Variants in ATP2B4 observed in about 807,000 individuals in gnomAD.
ATP2B4 encodes ATPase plasma membrane Ca2+ transporting 4.
A neutral mutation model predicts 110.3 loss-of-function variants in ATP2B4; 39 were observed. That is an observed-to-expected ratio of 0.35 (90% confidence interval 0.27 to 0.46). The LOEUF (loss-of-function observed/expected upper bound fraction) is 0.46. Among genes scored for constraint, ATP2B4 ranks in the 20% least tolerant of loss-of-function variants. The pLI is 1.00. For missense variants in ATP2B4, 1,135 were observed against 1,530.9 expected (o/e 0.74, Z 4.32); for synonymous variants, 538 against 571.7 (o/e 0.94, Z 0.84).
chr1:203,711,075 G>T lies in ATP2B4; in HGVS notation c.1998G>T (p.Ala666=). The change falls in exon 12 of 21, where the codon GCG becomes GCT. Residue 666 remains alanine (A), a synonymous_variant. Transcript: ENST00000357681. ...NEILTELTCI[A]VVGIEDPVRP... ...TCCTCACCGAACTGACCTGTATCGC[G>T]GTGGTGGGCATTGAGGACCCTGTGC... 1 of 1,614,140 alleles carries T rather than the reference G, an allele frequency of 6.2e-7. No homozygotes were observed. The highest frequency in any genetic ancestry group is 8.5e-7 in the Non-Finnish European group (1 of 1,180,014).
rs554991544 is a variant in ATP2B4, at chr1:203,650,868, T to G, written c.-465+23649T>G. Reference sequence around the variant, plus strand: ...TCTACCACCACCAAAAGGCCAGAATTTTTAAGTTGATTGATATTTTTTTAT... The same window carrying G: ...TCTACCACCACCAAAAGGCCAGAATGTTTAAGTTGATTGATATTTTTTTAT... On this transcript the variant is annotated intron_variant, in intron 1 of 20. Coordinates refer to ENST00000357681, the MANE Select transcript of ATP2B4 (RefSeq NM_001684.5). 2.9e-4 allele frequency among the ~76,000 whole-genome samples: 44 copies of G among 152,332 alleles called. No individual in the cohort carries two copies. The South Asian group carries it at 8.7e-3, about 30-fold the overall frequency.
rs759813693 is a variant in ATP2B4, at chr1:203,720,503, G to A, written c.2407-46G>A. 7.8e-6 allele frequency: 12 copies of A among 1,544,986 alleles called. No homozygotes were observed. In the South Asian group the frequency reaches 1.5e-4, roughly 19 times the overall value. On this transcript the variant is annotated intron_variant, in intron 15 of 20. Transcript: ENST00000357681. ...TCCTGGAGGTCAGGAAATGGAGCCT[G>A]GGCTTTATCCACTCCCTCACTGTTT...
In ATP2B4 at chr1:203,727,450, G is replaced by T; in HGVS notation, c.3188G>T (p.Gly1063Val). The T allele has an allele frequency of 1.2e-6, 2 of 1,614,186 alleles. No individual in the cohort carries two copies. The highest frequency in any genetic ancestry group is 8.5e-7 in the Non-Finnish European group (1 of 1,180,008). Residue 1063 changes from glycine (G) to valine (V), a missense_variant, in exon 20 of 21, where the codon GGC (glycine) becomes GTC (valine). Physicochemically the swap from Gly to Val is moderately radical, Grantham distance 109 (BLOSUM62 -3). Transcript: ENST00000357681. The stretch of plus-strand genomic sequence containing the variant: ...AAGTTCCTGAAGGAGGCTGGGCATG[G>T]CACCACCAAAGAGGAGATCACCAAG... ...SLKFLKEAGH[G>V]TTKEEITKDA...
At position 203,699,412 on chromosome 1, in the gene ATP2B4, T is replaced by C. The variant is rs980424379; in HGVS notation, c.392-48T>C. 5 of 1,603,612 alleles carry C rather than the reference T, an allele frequency of 3.1e-6. No individual in the cohort carries two copies. The Admixed American group carries it at 5.1e-5, about 16-fold the overall frequency. On this transcript the variant is annotated intron_variant, in intron 3 of 20. Coordinates refer to ENST00000357681, the MANE Select transcript of ATP2B4 (RefSeq NM_001684.5). ...TGGAAGCACTACTCCTATTTCTTAATGTCAACAAAAGCCCTTCAGTGACTA... is the reference window on the plus strand; with the variant it reads ...TGGAAGCACTACTCCTATTTCTTAACGTCAACAAAAGCCCTTCAGTGACTA...
chr1:203,631,214 G>A (rs1663255351), intron 1 of ATP2B4, among the ~76,000 whole-genome samples: 1 of 152,204 alleles, frequency 6.6e-6, no homozygotes, highest in Non-Finnish European at 1.5e-5. Flanking sequence ...CAAAGGAAAG[G>A]AAAGGATTGA....
rs552534807 is a variant in ATP2B4 at position 203,714,338 on chromosome 1, C to T, written c.2406+61C>T. 1.8e-4 allele frequency: 292 copies of T among 1,583,932 alleles called. No individual in the cohort carries two copies. In the South Asian group the frequency reaches 2.7e-3, roughly 15 times the overall value. On this transcript the variant is annotated intron_variant, in intron 15 of 20. Coordinates refer to ENST00000357681, the MANE Select transcript of ATP2B4 (RefSeq NM_001684.5). ...GCCTTCTCCATCAGGAAGCCAGGTC[C>T]GGCTTCTGGTTGCCTGCTGCTTGCT...
At chr1:203,698,427 T>C (rs1047767777) in intron 3 of ATP2B4, 73 bp downstream of exon 3, 1 of 1,506,368 alleles carries the variant, frequency 6.6e-7, no homozygotes, top group African/African-American at 1.4e-5. Flanking sequence ...CGCTTAGTAT[T>C]GGTGGCTGAC....
chr1:203,723,457 T>TCTCTCTCTCCCTCCCTCCCTCC (rs1407579331), intron 18 of ATP2B4, among the ~76,000 whole-genome samples: 1 of 113,502 alleles, frequency 8.8e-6, no homozygotes, highest in African/African-American at 3.9e-5. Flanking sequence ...TCTCTCTCTC[T>TCTCTCTCTCCCTCCCTCCCTCC]CTCCCTCTGC....
Position 203,715,299 on chromosome 1 carries a change from A to G in ATP2B4, c.2406+1022A>G, listed in dbSNP as rs1332880747. On this transcript the variant is annotated intron_variant, in intron 15 of 20. Coordinates refer to ENST00000357681, the MANE Select transcript of ATP2B4 (RefSeq NM_001684.5). ...CAAAAAACAAAAGAGATTCCCCCTCATTGACTATTTGATTACTCTGAGGCG... is the reference window on the plus strand; with the variant it reads ...CAAAAAACAAAAGAGATTCCCCCTCGTTGACTATTTGATTACTCTGAGGCG... Among the ~76,000 whole-genome samples the G allele has an allele frequency of 2.1e-5, 3 of 141,268 alleles. 1 individual carries two copies. Among genetic ancestry groups the G allele is most frequent in the Non-Finnish European group, 4.7e-5 (3 of 64,072 alleles). 92.7% of individuals were successfully genotyped at this position (141,268 alleles called of 152,430 possible).
rs781597921 is a variant in ATP2B4, at chr1:203,722,671, G to T, written c.3006G>T (p.Leu1002Phe). 6.2e-7 allele frequency: 1 copy of T among 1,614,078 alleles called. No individual in the cohort carries two copies. The highest frequency in any genetic ancestry group is 1.1e-5 in the South Asian group (1 of 91,080). The change falls in exon 18 of 21, where the codon TTG becomes TTT. Residue 1002 changes from leucine to phenylalanine, a missense_variant. Leu to Phe is a conservative substitution (Grantham distance 22). This residue lies in a region of ATP2B4 where 155 missense variants were observed against 186.2 expected (regional missense o/e 0.83). Coordinates refer to ENST00000357681, the MANE Select transcript of ATP2B4 (RefSeq NM_001684.5). Reference protein sequence around the residue: ...YRNIIFCSVVLGTFICQIFIV... With the variant: ...YRNIIFCSVVFGTFICQIFIV... ...ACATTATCTTCTGCTCTGTAGTCTT[G>T]GGCACATTCATCTGCCAGGTGAGAT...
At chr1:203,679,185 C>G (rs1425895399) in intron 1 of ATP2B4, among the ~76,000 whole-genome samples, 4 of 152,024 alleles carry the variant, frequency 2.6e-5, no homozygotes, top group African/African-American at 9.7e-5. Context: ...CTGAGCAGTT[C>G]ATTTGATGCT....
intron 20 of ATP2B4, among the ~76,000 whole-genome samples, chr1:203,733,879 T>C (rs908444294): frequency 1.3e-5 from 2 of 152,088 alleles, no homozygotes; most frequent in African/African-American, 4.8e-5. Context: ...TGAGGAAAGG[T>C]AGGAAGGGAG....
intron 1 of ATP2B4, among the ~76,000 whole-genome samples, chr1:203,630,690 G>T (rs140864107): frequency 6.6e-6 from 1 of 152,130 alleles, no homozygotes; most frequent in Non-Finnish European, 1.5e-5. Context: ...CTCAGACAAG[G>T]CTCCCTACCC....
chr1:203,729,642 A>G, intron 20 of ATP2B4: 1 of 1,057,756 alleles, frequency 9.5e-7, no homozygotes, highest in Non-Finnish European at 1.3e-6. Context: ...TGCCAGAGAA[A>G]CATTCCAGGG....
chr1:203,724,366 A>C (rs1666439467), intron 19 of ATP2B4, among the ~76,000 whole-genome samples: 1 of 151,872 alleles, frequency 6.6e-6, no homozygotes, highest in African/African-American at 2.4e-5. Context: ...AAATACAAAA[A>C]ATTAGCTGGG....
chr1:203,730,755 G>A (rs565491358), intron 20 of ATP2B4, among the ~76,000 whole-genome samples: 56 of 152,198 alleles, frequency 3.7e-4, no homozygotes, highest in Non-Finnish European at 6.2e-4. Context: ...CTACCTTTCC[G>A]CATTGTTGGA....
chr1:203,717,428 T>C (rs986331297), intron 15 of ATP2B4, among the ~76,000 whole-genome samples: 2 of 151,874 alleles, frequency 1.3e-5, no homozygotes, highest in Non-Finnish European at 2.9e-5. Context: ...GCTCTTAGTA[T>C]GGTTTTGATG....
chr1:203,691,534 G>A (rs547160062), intron 2 of ATP2B4, among the ~76,000 whole-genome samples: 3 of 152,286 alleles, frequency 2.0e-5, no homozygotes, highest in East Asian at 1.9e-4. Flanking sequence ...AGCAGGGGGC[G>A]GGATAAAGGG....
chr1:203,718,778 C>G (rs919407777), intron 15 of ATP2B4, among the ~76,000 whole-genome samples: 1 of 152,096 alleles, frequency 6.6e-6, no homozygotes, highest in Non-Finnish European at 1.5e-5. Flanking sequence ...ATATTTTTCT[C>G]ATAGTTCCTT....
Sources: gnomAD v4.1 joint callset for allele counts (sites outside exome capture counted in the v4.1 genomes callset) on GRCh38, gnomAD v4.1.1 for gene constraint, gnomAD v4.1.1 regional missense constraint, MANE v1.5 for transcripts, NCBI Gene and HGNC (gene_info 2026-07-23, HGNC 2026-07-21) for gene names.